The following PTPRN2 variants were observed in gnomAD, a reference collection of about 807,000 sequenced individuals.
PTPRN2 encodes the protein receptor-type tyrosine-protein phosphatase N2.
Under a neutral mutation model 118.8 loss-of-function variants are expected in PTPRN2, and 74 were observed. The ratio of observed to expected loss-of-function variants is 0.62; its 90% CI spans 0.52 to 0.76. PTPRN2 has a LOEUF of 0.76. Among genes scored for constraint, PTPRN2 ranks in the 30% least tolerant of loss-of-function variants. The probability of loss-of-function intolerance (pLI) is 0.00; values close to 1 mark genes in which losing one functional copy is unlikely to be tolerated. For synonymous variants in PTPRN2, 641 were observed against 608.0 expected (o/e 1.05, Z -0.80); for missense variants, 1,481 against 1,394.4 (o/e 1.06, Z -0.99).
intron 2 of PTPRN2, among the ~76,000 whole-genome samples, chr7:158,385,894 C>T (rs1811300218): frequency 6.6e-6 from 1 of 151,352 alleles, no homozygotes; most frequent in Non-Finnish European, 1.5e-5. Flanking sequence ...CCCCGAGTCC[C>T]TCCTTCCGTG....
chr7:157,827,795 T>TCGC (rs1465998971), intron 12 of PTPRN2, among the ~76,000 whole-genome samples: 1 of 152,210 alleles, frequency 6.6e-6, no homozygotes, highest in Non-Finnish European at 1.5e-5. Flanking sequence ...GGCCCCGCCC[T>TCGC]CGCCGGCTGT....
chr7:158,577,796 G>T (rs1828420694), intron 1 of PTPRN2, among the ~76,000 whole-genome samples: 1 of 152,258 alleles, frequency 6.6e-6, no homozygotes, highest in South Asian at 2.1e-4. Context: ...AGGGCCCACA[G>T]GTCTCCCCTT....
intron 6 of PTPRN2, among the ~76,000 whole-genome samples, chr7:158,151,902 G>A (rs910533585): frequency 8.5e-5 from 13 of 152,286 alleles, no homozygotes; most frequent in South Asian, 4.1e-4. Context: ...GGCCGGGCGC[G>A]GTGGCTCACG....
chr7:158,148,774 C>T (rs796396994), intron 6 of PTPRN2, among the ~76,000 whole-genome samples: 5 of 34,072 alleles, frequency 1.5e-4, no homozygotes, highest in African/African-American at 6.5e-4. Flanking sequence ...GTCTTTCCCC[C>T]TCAATGACAC....
At chr7:157,798,382 C>A (rs1671302786) in intron 12 of PTPRN2, among the ~76,000 whole-genome samples, 1 of 152,292 alleles carries the variant, frequency 6.6e-6, no homozygotes, top group Non-Finnish European at 1.5e-5. Context: ...CCTCTGTGAC[C>A]TTTGTCCCCA....
chr7:157,902,237 C>T (rs1797502728), intron 11 of PTPRN2, among the ~76,000 whole-genome samples: 1 of 152,260 alleles, frequency 6.6e-6, no homozygotes, highest in Non-Finnish European at 1.5e-5. Context: ...AGGGCGTCAG[C>T]TGCGGCCAAT....
intron 10 of PTPRN2, among the ~76,000 whole-genome samples, chr7:158,092,140 A>C (rs1814229029): frequency 6.6e-6 from 1 of 151,282 alleles, no homozygotes; most frequent in African/African-American, 2.4e-5. Flanking sequence ...GAGTGGGTAC[A>C]TGGATGAGTA....
intron 12 of PTPRN2, among the ~76,000 whole-genome samples, chr7:157,736,501 T>C (rs1800304835): frequency 6.6e-6 from 1 of 152,142 alleles, no homozygotes; most frequent in Admixed American, 6.5e-5. Context: ...GGGGAGAAGA[T>C]GCTGTCCACA....
intron 9 of PTPRN2, among the ~76,000 whole-genome samples, chr7:158,129,926 C>T (rs1473876345): frequency 5.3e-5 from 8 of 152,130 alleles, no homozygotes; most frequent in East Asian, 1.9e-4. Flanking sequence ...AGCCTGGAAA[C>T]GGGAAAGCTC....
intron 11 of PTPRN2, among the ~76,000 whole-genome samples, chr7:158,020,372 AG>A (rs996057818): frequency 6.6e-6 from 1 of 152,088 alleles, no homozygotes; most frequent in African/African-American, 2.4e-5. Context: ...CTCAGAGATG[AG>A]GGGGTGAGGG....
chr7:158,467,859 G>A (rs1005219991), intron 2 of PTPRN2, among the ~76,000 whole-genome samples: 3 of 152,116 alleles, frequency 2.0e-5, no homozygotes, highest in African/African-American at 7.2e-5. Context: ...GGGAGCCCCC[G>A]GGGAAGGCCC....
At chr7:158,500,851 T>TCC (rs1173584612) in intron 1 of PTPRN2, among the ~76,000 whole-genome samples, 4 of 152,244 alleles carry the variant, frequency 2.6e-5, no homozygotes, top group Non-Finnish European at 5.9e-5. Flanking sequence ...ACCTAATGCG[T>TCC]CCGGAGCAGG....
intron 2 of PTPRN2, among the ~76,000 whole-genome samples, chr7:158,420,456 C>G (rs536585031): frequency 6.6e-6 from 1 of 152,328 alleles, no homozygotes; most frequent in South Asian, 2.1e-4. Context: ...CAGCTTCAGG[C>G]ACAGGGTCCA....
chr7:157,576,545 C>T (rs372340407), intron 19 of PTPRN2, 68 bp downstream of exon 19: 1 of 1,425,370 alleles, frequency 7.0e-7, no homozygotes, highest in African/African-American at 1.4e-5. Context: ...CTCAGGAGCA[C>T]CGAAGCCTCG....
At chr7:157,703,380 G>A (rs767007136) in intron 12 of PTPRN2, among the ~76,000 whole-genome samples, 2 of 152,216 alleles carry the variant, frequency 1.3e-5, no homozygotes, top group Non-Finnish European at 2.9e-5. Context: ...AGCACAGAGG[G>A]CCTGGGGCTG....
intron 11 of PTPRN2, among the ~76,000 whole-genome samples, chr7:157,969,402 G>A (rs1376613727): frequency 1.3e-5 from 2 of 152,178 alleles, no homozygotes; most frequent in Admixed American, 6.5e-5. Context: ...GAGCCACTGT[G>A]CCTGGCTGCC....
Position 157,861,841 on chromosome 7 carries a change from G to A in PTPRN2, c.1788+36832C>T, listed in dbSNP as rs1215040959. Among the ~76,000 whole-genome samples the A allele has an allele frequency of 1.3e-5, 2 of 149,984 alleles. No homozygotes were observed. The highest frequency in any genetic ancestry group is 1.5e-5 in the Non-Finnish European group (1 of 67,372). ...TCTGTCCTCTCCGTCGCAGGGACAC[G>A]GATGCTTCGAGGACTCTGTGTGCCG... On this transcript the variant is annotated intron_variant, in intron 12 of 22. Transcript: ENST00000389418. This position sits in a 1 kb window ranked among gnomAD's most constrained non-coding sequence, Gnocchi z 5.8.
intron 3 of PTPRN2, among the ~76,000 whole-genome samples, chr7:158,205,584 C>G (rs1419084264): frequency 6.6e-6 from 1 of 152,208 alleles, no homozygotes; most frequent in Non-Finnish European, 1.5e-5. Flanking sequence ...AATTGAACAA[C>G]TGTCCGCACA....
At chr7:158,190,450 T>A (rs568469026) in intron 5 of PTPRN2, among the ~76,000 whole-genome samples, 2 of 152,202 alleles carry the variant, frequency 1.3e-5, no homozygotes, top group Non-Finnish European at 2.9e-5. Flanking sequence ...ACAGAGAGAC[T>A]CCCACAGGCT....
Sources: allele counts gnomAD v4.1 joint callset (sites outside exome capture counted in the v4.1 genomes callset), GRCh38; gene constraint gnomAD v4.1.1; non-coding constraint Gnocchi (gnomAD v3.1); transcripts MANE v1.5; gene names NCBI Gene and HGNC (gene_info 2026-07-23, HGNC 2026-07-21).